Variants in KRT73 observed in about 807,000 individuals in gnomAD.
KRT73 encodes keratin, type II cytoskeletal 73.
In KRT73, 44 loss-of-function variants were observed where a neutral mutation model predicts 47.2. The ratio of observed to expected loss-of-function variants is 0.93; its 90% CI spans 0.73 to 1.20. The LOEUF is 1.20. KRT73 is among the 50% of genes most tolerant of loss of function. KRT73 has a pLI of 0.00. For missense variants in KRT73, 713 were observed against 704.5 expected (o/e 1.01, Z -0.14); for synonymous variants, 285 against 291.3 (o/e 0.98, Z 0.22).
At chr12:52,615,188 T>A in intron 3 of KRT73, 91 bp downstream of exon 3, 1 of 1,148,710 alleles carries the variant, frequency 8.7e-7, no homozygotes, top group Non-Finnish European at 1.3e-6. Context: ...CTCCAGGCCC[T>A]TCTGCGGGGG....
Position 52,618,336 on chromosome 12 carries a change from A to G in KRT73, c.189T>C (p.Ser63=), listed in dbSNP as rs376173023. The G allele has an allele frequency of 3.1e-6, 5 of 1,613,870 alleles. No homozygotes were observed. The highest frequency in any genetic ancestry group is 4.2e-6 in the Non-Finnish European group (5 of 1,179,982). Residue 63 remains serine (S), a synonymous_variant, in exon 1 of 9, where the codon AGT becomes AGC. Transcript: ENST00000305748. ...GARSISFNVA[S]GSGWAGGYGF... ...CATAGCCTCCTGCCCACCCACTGCCACTGGCCACATTGAAAGAGATGCTCC... is the reference window on the plus strand; with the variant it reads ...CATAGCCTCCTGCCCACCCACTGCCGCTGGCCACATTGAAAGAGATGCTCC...
At chr12:52,620,137 G>A (rs537500284), upstream of KRT73, among the ~76,000 whole-genome samples, 9 of 120,972 alleles carry the variant, frequency 7.4e-5, no homozygotes, top group South Asian at 1.9e-3. Flanking sequence ...TTTTGAGATG[G>A]CGTTTCACTC....
intron 1 of KRT73, among the ~76,000 whole-genome samples, chr12:52,617,633 G>T (rs1433627379): frequency 6.6e-6 from 1 of 152,144 alleles, no homozygotes; most frequent in Admixed American, 6.5e-5. Flanking sequence ...CATCTCCTTC[G>T]CCTAGCTTCT....
chr12:52,613,666 A>G (rs749072572), intron 5 of KRT73, 22 bp downstream of exon 5: 11 of 1,613,300 alleles, frequency 6.8e-6, no homozygotes, highest in South Asian at 2.2e-5. Flanking sequence ...ATACTTCACT[A>G]TGGGGAGTTT....
At chr12:52,612,600 T>C (rs1940725166) in intron 5 of KRT73, 2 of 152,246 alleles carry the variant, frequency 1.3e-5, no homozygotes, top group Non-Finnish European at 1.5e-5. Flanking sequence ...TCCGCAAGGC[T>C]GTGTGAGCAG....
At chr12:52,616,051 A>T (rs1423140760) in intron 2 of KRT73, 115 bp downstream of exon 2, 1 of 1,296,380 alleles carries the variant, frequency 7.7e-7, no homozygotes, top group Admixed American at 2.0e-5. Context: ...GAAGGCTCTC[A>T]TCTTGCTGGG....
chr12:52,618,223 G>A lies in KRT73; in HGVS notation c.302C>T (p.Pro101Leu). 2 of 1,614,144 alleles carry A rather than the reference G, an allele frequency of 1.2e-6. No individual in the cohort carries two copies. The highest frequency in any genetic ancestry group is 1.7e-6 in the Non-Finnish European group (2 of 1,180,018). ...LGSVCPSLCP[P>L]GGIHQVTINK... ...GATGGTGACCTGATGGATACCCCCGGGCGGGCACAACGACGGACACACGGA... is the reference window on the plus strand; with the variant it reads ...GATGGTGACCTGATGGATACCCCCGAGCGGGCACAACGACGGACACACGGA... Residue 101 changes from proline (P) to leucine (L), a missense_variant, in exon 1 of 9, where the codon CCC (proline) becomes CTC (leucine). Pro to Leu is a moderately conservative substitution (Grantham distance 98, BLOSUM62 -3). Coordinates refer to ENST00000305748, the MANE Select transcript of KRT73 (RefSeq NM_175068.3).
At chr12:52,609,185 C>A in intron 8 of KRT73, 62 bp downstream of exon 8, 1 of 1,464,630 alleles carries the variant, frequency 6.8e-7, no homozygotes, top group Non-Finnish European at 9.6e-7. Context: ...GCGGTGGACA[C>A]CCACCCACTT....
chr12:52,627,616 C>G, the KRT73 span, among the ~76,000 whole-genome samples: 5 of 152,154 alleles, frequency 3.3e-5, no homozygotes, highest in Admixed American at 1.3e-4. Flanking sequence ...GGCTGCTTTT[C>G]CCACTCCACA....
chr12:52,618,649 TCA>T, upstream of KRT73: 1 of 1,009,284 alleles, frequency 9.9e-7, no homozygotes, highest in Non-Finnish European at 1.4e-6. Context: ...ATTTGTGGGT[TCA>T]GTTTGCCTGG....
intron 1 of KRT73, 65 bp downstream of exon 1, chr12:52,618,013 G>A (rs530856485): frequency 6.7e-7 from 1 of 1,502,056 alleles, no homozygotes; most frequent in Non-Finnish European, 9.0e-7. Context: ...ACAAATTAGG[G>A]CAGTGGCTCC....
At chr12:52,621,334 A>G (rs1940902741), upstream of KRT73, among the ~76,000 whole-genome samples, 1 of 152,010 alleles carries the variant, frequency 6.6e-6, no homozygotes, top group Non-Finnish European at 1.5e-5. Context: ...ACAGGCAGGA[A>G]ATCAACTTTC....
chr12:52,609,328 A>AG (rs1940647925), intron 7 of KRT73, 47 bp from the exon 8 acceptor site: 12 of 1,543,354 alleles, frequency 7.8e-6, no homozygotes, highest in Non-Finnish European at 6.3e-6. Context: ...GTGGACTCCC[A>AG]TAGTGGCCCT....
chr12:52,624,125 T>G, the KRT73 span, among the ~76,000 whole-genome samples: 1 of 151,904 alleles, frequency 6.6e-6, no homozygotes, highest in Non-Finnish European at 1.5e-5. Flanking sequence ...AAAGTATACT[T>G]CAAAGCAAAA....
chr12:52,621,827 A>G (rs1301801495), upstream of KRT73, among the ~76,000 whole-genome samples: 1 of 151,982 alleles, frequency 6.6e-6, no homozygotes, highest in East Asian at 1.9e-4. Context: ...CCCCTCCCCC[A>G]GCAGTTAGAT....
upstream of KRT73, among the ~76,000 whole-genome samples, chr12:52,622,911 A>T (rs994916822): frequency 5.9e-5 from 9 of 152,338 alleles, no homozygotes; most frequent in Non-Finnish European, 1.0e-4. Flanking sequence ...GGACAATAAA[A>T]ATTACCCAAT....
At chr12:52,617,931 C>A in intron 1 of KRT73, 147 bp downstream of exon 1, 2 of 877,092 alleles carry the variant, frequency 2.3e-6, no homozygotes, top group Non-Finnish European at 3.5e-6. Context: ...ACCTGGGGAG[C>A]TTTCAAGTTG....
Position 52,609,184 on chromosome 12 carries a change from A to T in KRT73, c.1366+63T>A. On this transcript the variant is annotated intron_variant, in intron 8 of 8. Coordinates refer to ENST00000305748, the MANE Select transcript of KRT73 (RefSeq NM_175068.3). Reference sequence around the variant, plus strand: ...TTCCTCAGGGGGCTGGGCGGTGGACACCCACCCACTTTGTGTTTGTTGATG... The same window carrying T: ...TTCCTCAGGGGGCTGGGCGGTGGACTCCCACCCACTTTGTGTTTGTTGATG... 2.1e-6 allele frequency: 3 copies of T among 1,440,134 alleles called. No individual in the cohort carries two copies. The South Asian group carries it at 3.4e-5, about 16-fold the overall frequency. 89.2% of individuals were successfully genotyped at this position (1,440,134 alleles called of 1,614,324 possible).
At chr12:52,626,957 C>T in the KRT73 span, among the ~76,000 whole-genome samples, 1 of 152,202 alleles carries the variant, frequency 6.6e-6, no homozygotes, top group Non-Finnish European at 1.5e-5. Context: ...GCCCCACCCA[C>T]CTGTCCTGCC....
Sources: gnomAD v4.1 joint callset for allele counts (sites outside exome capture counted in the v4.1 genomes callset) on GRCh38, gnomAD v4.1.1 for gene constraint, MANE v1.5 for transcripts, NCBI Gene and HGNC (gene_info 2026-07-23, HGNC 2026-07-21) for gene names.